Variants in SLC9A3 observed in about 807,000 individuals in gnomAD.
The protein encoded by SLC9A3 is sodium/hydrogen exchanger 3.
SLC9A3 carries 37 observed loss-of-function variants against 86.8 expected under a neutral mutation model. That is an observed-to-expected ratio of 0.43 (90% confidence interval 0.33 to 0.56). The LOEUF (loss-of-function observed/expected upper bound fraction) is 0.56. SLC9A3 is among the 20% of genes least tolerant of loss of function. The pLI, the probability that SLC9A3 is intolerant of heterozygous loss-of-function variation, is 0.06. For missense variants in SLC9A3, 1,011 were observed against 1,171.9 expected (o/e 0.86, Z 2.00); for synonymous variants, 581 against 528.3 (o/e 1.10, Z -1.37).
Position 484,703 on chromosome 5 carries a change from T to TAG in SLC9A3, c.755-8_755-7dup. 6.2e-7 allele frequency: 1 copy of TAG among 1,612,316 alleles called. No homozygotes were observed. The highest frequency in any genetic ancestry group is 8.5e-7 in the Non-Finnish European group (1 of 1,179,566). On this transcript the variant is annotated splice_region_variant and splice_polypyrimidine_tract_variant and intron_variant, in intron 4 of 16. Transcript: ENST00000264938. Reference sequence around the variant, plus strand: ...GCTCACCACGAAGAAGGACACTGGGTAGAGGACGCCCTTTGTGGCCGTGCC... The same window carrying TAG: ...GCTCACCACGAAGAAGGACACTGGGTAGAGAGGACGCCCTTTGTGGCCGTGCC...
rs1028885145 is a variant in SLC9A3, at chr5:490,596, C to A, written c.514+1173G>T. Reference sequence around the variant, plus strand: ...CAGACTGATCACAGGCTACTCCATCCCACACTCGACACAGCTGGGAGGAAG... The same window carrying A: ...CAGACTGATCACAGGCTACTCCATCACACACTCGACACAGCTGGGAGGAAG... On this transcript the variant is annotated intron_variant, in intron 2 of 16. Transcript: ENST00000264938. Among the ~76,000 whole-genome samples the A allele has an allele frequency of 4.6e-5, 7 of 152,284 alleles. No homozygotes were observed. The East Asian group carries it at 1.4e-3, about 29-fold the overall frequency.
intron 1 of SLC9A3, among the ~76,000 whole-genome samples, chr5:502,399 C>T (rs1740319546): frequency 6.6e-6 from 1 of 152,230 alleles, no homozygotes; most frequent in Admixed American, 6.5e-5. Flanking sequence ...CCAGCTGCCA[C>T]CACCTCAGGG....
rs377249574 is a variant in SLC9A3, at chr5:520,345, C to T, written c.211+3767G>A. ...GTAACTCCCCCAGTTCCCTTTTGGT[C>T]GGGTCCTGTCGCTCATGTGTGGCTC... On this transcript the variant is annotated intron_variant, in intron 1 of 16. Transcript: ENST00000264938. 3.9e-4 allele frequency among the ~76,000 whole-genome samples: 60 copies of T among 152,288 alleles called. 2 individuals carry two copies. The East Asian group carries it at 4.8e-3, about 12-fold the overall frequency.
At chr5:513,632 G>C (rs891692339) in intron 1 of SLC9A3, among the ~76,000 whole-genome samples, 1 of 152,166 alleles carries the variant, frequency 6.6e-6, no homozygotes, top group Non-Finnish European at 1.5e-5. Flanking sequence ...AGACGGCCAC[G>C]TCTGACTTCA....
In SLC9A3 at chr5:473,295, G is replaced by C; in HGVS notation, c.*84C>G. On this transcript the variant is annotated 3_prime_UTR_variant, in exon 17 of 17. Coordinates refer to ENST00000264938, the MANE Select transcript of SLC9A3 (RefSeq NM_004174.4). ...TCGCTGTAGCCGCGCGGGGATCTGG[G>C]GTTTCTCTGGGACAGCGGCGGCGGC... is the stretch of plus-strand genomic sequence containing the variant. 7.6e-7 allele frequency: 1 copy of C among 1,321,934 alleles called. No individual in the cohort carries two copies. Among genetic ancestry groups the C allele is most frequent in the Non-Finnish European group, 9.7e-7 (1 of 1,027,362 alleles). 81.9% of individuals were successfully genotyped at this position (1,321,934 alleles called of 1,614,324 possible).
chr5:477,260 G>T, intron 11 of SLC9A3, 72 bp downstream of exon 11: 3 of 1,109,038 alleles, frequency 2.7e-6, no homozygotes, highest in Non-Finnish European at 2.7e-6. Context: ...AGCCACCACA[G>T]CCCTGTCTGT....
chr5:517,829 C>CT (rs1343911494), intron 1 of SLC9A3, among the ~76,000 whole-genome samples: 2 of 86,860 alleles, frequency 2.3e-5, no homozygotes, highest in African/African-American at 9.8e-5. Flanking sequence ...ATCCATCCAT[C>CT]CATCCATCCA....
intron 16 of SLC9A3, 56 bp from the exon 17 acceptor site, chr5:473,438 G>C: frequency 7.5e-7 from 1 of 1,327,126 alleles, no homozygotes; most frequent in Non-Finnish European, 9.7e-7. Context: ...GGGCGGGAGG[G>C]GCGTCCCCGG....
chr5:481,543 C>A (rs573400991), intron 9 of SLC9A3, 22 bp downstream of exon 9: 2 of 1,602,434 alleles, frequency 1.2e-6, no homozygotes, highest in Admixed American at 3.3e-5. Flanking sequence ...GCGACACCGC[C>A]GGGGCCGTCC....
At chr5:475,367 G>C (rs982376023) in intron 15 of SLC9A3, 194 bp downstream of exon 15, 30 of 616,080 alleles carry the variant, frequency 4.9e-5, no homozygotes, top group African/African-American at 7.4e-5. Flanking sequence ...TCCCTGCCCG[G>C]CCCACGTCTC....
At chr5:475,969 TG>T in intron 14 of SLC9A3, 50 bp downstream of exon 14, 2 of 1,474,164 alleles carry the variant, frequency 1.4e-6, no homozygotes, top group Non-Finnish European at 1.9e-6. Flanking sequence ...GGGCTGGGGC[TG>T]GGAGGTGGTG....
chr5:479,932 C>T lies in SLC9A3; in HGVS notation c.1551G>A (p.Arg517=). ...WSHFDRKFLS[R]VLMRRSAQKS... is the part of the protein sequence containing the mutation. ...TCTGGGCCGACCGTCTCATGAGGAC[C>T]CTGCTGAGGAACTTCCTGTCGAAGT... The change falls in exon 10 of 17, where the codon AGG becomes AGA. Residue 517 remains arginine (R), a synonymous_variant. Transcript: ENST00000264938. 1 of 1,613,940 alleles carries T rather than the reference C, an allele frequency of 6.2e-7. No individual in the cohort carries two copies.
At chr5:486,075 A>AC (rs1020704303) in intron 3 of SLC9A3, among the ~76,000 whole-genome samples, 82 of 152,064 alleles carry the variant, frequency 5.4e-4, no homozygotes, top group Non-Finnish European at 1.3e-4. Flanking sequence ...GGTGTGCGAC[A>AC]CCCACAGGAC....
intron 1 of SLC9A3, among the ~76,000 whole-genome samples, chr5:509,561 TG>T (rs976713993): frequency 5.9e-5 from 9 of 151,954 alleles, no homozygotes; most frequent in African/African-American, 2.2e-4. Context: ...TGGTCCCATG[TG>T]GGCCGAACGT....
At chr5:518,426 G>A (rs535408417) in intron 1 of SLC9A3, among the ~76,000 whole-genome samples, 3 of 151,932 alleles carry the variant, frequency 2.0e-5, no homozygotes, top group African/African-American at 7.3e-5. Flanking sequence ...CCTGAGACCT[G>A]GCACCCTGAG....
At chr5:509,570 C>T (rs945643413) in intron 1 of SLC9A3, among the ~76,000 whole-genome samples, 5 of 152,016 alleles carry the variant, frequency 3.3e-5, no homozygotes, top group African/African-American at 1.2e-4. Context: ...GTGGGCCGAA[C>T]GTGGAACCCT....
rs368902663 is a variant in SLC9A3, at chr5:476,585, C to G, written c.1848G>C (p.Thr616=). 6.2e-7 allele frequency: 1 copy of G among 1,611,100 alleles called. No homozygotes were observed. The change falls in exon 12 of 17, where the codon ACG becomes ACC. Residue 616 remains threonine, a synonymous_variant. Coordinates refer to ENST00000264938, the MANE Select transcript of SLC9A3 (RefSeq NM_004174.4). ...ACAGGTACTGCTGTAGCGTGTGGTGCGTGACCATGTCCTCCGCGTCCCGGA... is the reference window on the plus strand; with the variant it reads ...ACAGGTACTGCTGTAGCGTGTGGTGGGTGACCATGTCCTCCGCGTCCCGGA... ...RSIRDAEDMV[T]HHTLQQYLYK...
chr5:482,793 C>T (rs750143333), intron 6 of SLC9A3, 43 bp from the exon 7 acceptor site: 2 of 1,502,216 alleles, frequency 1.3e-6, no homozygotes, highest in Non-Finnish European at 1.8e-6. Flanking sequence ...GGCCGCCCTC[C>T]CAGCCGCGGG....
chr5:480,389 T>G, intron 9 of SLC9A3: 1 of 161,364 alleles, frequency 6.2e-6, no homozygotes, highest in South Asian at 1.7e-4. Context: ...ATTCGCTGGT[T>G]ATCCAGATCA....
Sources: gnomAD v4.1 joint callset for allele counts (sites outside exome capture counted in the v4.1 genomes callset) on GRCh38, gnomAD v4.1.1 for gene constraint, MANE v1.5 for transcripts, NCBI Gene and HGNC (gene_info 2026-07-23, HGNC 2026-07-21) for gene names.